The following ZNF609 variants were observed in gnomAD, a reference collection of about 807,000 sequenced individuals.
The protein encoded by ZNF609 is zinc finger protein 609.
Under a neutral mutation model 109.5 loss-of-function variants are expected in ZNF609, and 11 were observed. That is an observed-to-expected ratio of 0.10 (90% CI 0.06 to 0.17). The LOEUF is 0.17. Among genes scored for constraint, ZNF609 ranks in the 10% least tolerant of loss-of-function variants. ZNF609 has a pLI of 1.00. For missense variants in ZNF609, 1,559 were observed against 1,772.4 expected (o/e 0.88, Z 2.16); for synonymous variants, 646 against 662.0 (o/e 0.98, Z 0.37).
intron 2 of ZNF609, chr15:64,528,606 C>G: frequency 1.4e-6 from 1 of 710,486 alleles, no homozygotes; most frequent in South Asian, 1.5e-5. Flanking sequence ...GCAGGGACTC[C>G]CCAGCAGTAA....
chr15:64,667,847 A>G (rs1174862158), intron 3 of ZNF609, among the ~76,000 whole-genome samples: 1 of 152,224 alleles, frequency 6.6e-6, no homozygotes, highest in Non-Finnish European at 1.5e-5. Flanking sequence ...AATAGATACT[A>G]AAAAAGCTCA....
chr15:64,619,152 T>C (rs1895843816), intron 2 of ZNF609, among the ~76,000 whole-genome samples: 1 of 151,222 alleles, frequency 6.6e-6, no homozygotes, highest in Admixed American at 6.6e-5. Context: ...GCTAGTTGTT[T>C]TTGTTTTTGT....
chr15:64,645,056 TCTTCCTTCCTTC>T (rs1215784646), intron 3 of ZNF609, among the ~76,000 whole-genome samples: 7 of 141,818 alleles, frequency 4.9e-5, no homozygotes, highest in African/African-American at 1.7e-4. Flanking sequence ...TTTCTTCCTT[TCTTCCTTCCTTC>T]CTTCCTTCCT....
chr15:64,504,838 C>T (rs939975855), intron 2 of ZNF609, among the ~76,000 whole-genome samples: 1 of 151,894 alleles, frequency 6.6e-6, no homozygotes, highest in African/African-American at 2.4e-5. Flanking sequence ...TCTTGAACTC[C>T]TGGGCTTATG....
intron 1 of ZNF609, among the ~76,000 whole-genome samples, chr15:64,463,728 T>C (rs919305740): frequency 2.6e-5 from 4 of 152,206 alleles, no homozygotes; most frequent in African/African-American, 9.6e-5. Flanking sequence ...TTCTGACCTT[T>C]ATATATTTTT....
At chr15:64,571,479 T>C (rs2140413976) in intron 2 of ZNF609, among the ~76,000 whole-genome samples, 1 of 152,114 alleles carries the variant, frequency 6.6e-6, no homozygotes, top group East Asian at 1.9e-4. Context: ...TTTTATATTT[T>C]TATATAATAT....
chr15:64,684,596 A>C lies in ZNF609; in HGVS notation c.*2910A>C, dbSNP rs2141023215. Reference sequence around the variant, plus strand: ...AACTCTCTCCACACATCACAAGGTCAAAGAACCACACGCTTAGAAGGGTAA... The same window carrying C: ...AACTCTCTCCACACATCACAAGGTCCAAGAACCACACGCTTAGAAGGGTAA... On this transcript the variant is annotated 3_prime_UTR_variant, in exon 10 of 10. Coordinates refer to ENST00000326648, the MANE Select transcript of ZNF609 (RefSeq NM_015042.2). The C allele has an allele frequency of 6.5e-6, 1 of 152,758 alleles. No homozygotes were observed. Among genetic ancestry groups the C allele is most frequent in the Non-Finnish European group, 1.5e-5 (1 of 68,044 alleles). 9.5% of individuals were successfully genotyped at this position (152,758 alleles called of 1,614,324 possible). A position where few individuals can be genotyped will look rare whatever the true frequency, so the allele number is the denominator to read the frequency against.
intron 2 of ZNF609, among the ~76,000 whole-genome samples, chr15:64,607,917 G>A (rs1428602535): frequency 4.1e-4 from 1 of 2,462 alleles, no homozygotes; most frequent in Non-Finnish European, 1.1e-3. Flanking sequence ...TTTTTTTTTT[G>A]AGACAGAGTC....
chr15:64,602,032 A>ATTCT (rs1895505255), intron 2 of ZNF609, among the ~76,000 whole-genome samples: 1 of 152,120 alleles, frequency 6.6e-6, no homozygotes. Flanking sequence ...ACTTCAAAGG[A>ATTCT]GTGTTATGAG....
chr15:64,583,929 A>G (rs1895152558), intron 2 of ZNF609, among the ~76,000 whole-genome samples: 1 of 152,066 alleles, frequency 6.6e-6, no homozygotes, highest in Non-Finnish European at 1.5e-5. Flanking sequence ...ACCTCTACCA[A>G]TTTTATAAGC....
intron 2 of ZNF609, among the ~76,000 whole-genome samples, chr15:64,618,071 C>T (rs987438724): frequency 6.6e-6 from 1 of 152,000 alleles, no homozygotes; most frequent in East Asian, 1.9e-4. Flanking sequence ...CCTGACAATC[C>T]CTGCTCTTAT....
intron 2 of ZNF609, among the ~76,000 whole-genome samples, chr15:64,531,371 A>G (rs207475557): frequency 6.6e-6 from 1 of 152,126 alleles, no homozygotes; most frequent in Admixed American, 6.6e-5. Flanking sequence ...AAAAAGCTAC[A>G]CAAATGCAAA....
At chr15:64,541,223 C>A (rs1894253264) in intron 2 of ZNF609, among the ~76,000 whole-genome samples, 4 of 150,876 alleles carry the variant, frequency 2.7e-5, no homozygotes, top group African/African-American at 9.8e-5. Flanking sequence ...GTCAGGAGAT[C>A]GAGACCATCC....
In ZNF609 at chr15:64,673,897, G is replaced by T. The variant is rs955425987; in HGVS notation, c.1062-19G>T. 6.2e-7 allele frequency: 1 copy of T among 1,600,204 alleles called. No individual in the cohort carries two copies. Among genetic ancestry groups the T allele is most frequent in the Non-Finnish European group, 8.5e-7 (1 of 1,172,118 alleles). ...TTTCTCTTCTTAATAATATTCTGTT[G>T]TGTTTATCCTTTGCCAAGGTTCTGT... On this transcript the variant is annotated intron_variant, in intron 4 of 9. Coordinates refer to ENST00000326648, the MANE Select transcript of ZNF609 (RefSeq NM_015042.2).
At chr15:64,523,246 T>A (rs186775821) in intron 2 of ZNF609, among the ~76,000 whole-genome samples, 6 of 152,312 alleles carry the variant, frequency 3.9e-5, no homozygotes, top group Non-Finnish European at 8.8e-5. Context: ...ATACATCCTA[T>A]ACTATGATGA....
In ZNF609 at chr15:64,674,934, G is replaced by C. The variant is rs12901426; in HGVS notation, c.2080G>C (p.Ala694Pro). Residue 694 changes from alanine (A) to proline (P), a missense_variant, in exon 5 of 10, where the codon GCC becomes CCC. Physicochemically the swap from Ala to Pro is conservative, Grantham distance 27. Around this residue, in one of 4 missense-constraint regions of ZNF609, gnomAD observed 1,204 missense variants for 1,314.1 expected, o/e 0.92. Transcript: ENST00000326648. ...AGGCTTGACCGCCACAGTGGCACAAGCCATGCCCAACAGTCCCCAACTCAA... is the reference window on the plus strand; with the variant it reads ...AGGCTTGACCGCCACAGTGGCACAACCCATGCCCAACAGTCCCCAACTCAA... ...SSGLTATVAQ[A>P]MPNSPQLKPI... 1 of 1,614,022 alleles carries C rather than the reference G, an allele frequency of 6.2e-7. No individual in the cohort carries two copies. The highest frequency in any genetic ancestry group is 1.3e-5 in the African/African-American group (1 of 74,988).
At chr15:64,478,433 C>T (rs996309021) in intron 1 of ZNF609, among the ~76,000 whole-genome samples, 31 of 151,962 alleles carry the variant, frequency 2.0e-4, no homozygotes, top group African/African-American at 6.8e-4. Context: ...TGCATTGTTG[C>T]GATCTCGGCT....
At chr15:64,511,855 C>T (rs576487882) in intron 2 of ZNF609, among the ~76,000 whole-genome samples, 167 of 151,774 alleles carry the variant, frequency 1.1e-3, no homozygotes, top group African/African-American at 4.0e-3. Flanking sequence ...GCTGGGATTA[C>T]AGGCACACTC....
At chr15:64,508,530 G>A (rs1425593137) in intron 2 of ZNF609, among the ~76,000 whole-genome samples, 1 of 152,038 alleles carries the variant, frequency 6.6e-6, no homozygotes, top group Admixed American at 6.6e-5. Context: ...CTTCACATAA[G>A]GTGATAGCTA....
Sources: gnomAD v4.1 joint callset for allele counts (sites outside exome capture counted in the v4.1 genomes callset) on GRCh38, gnomAD v4.1.1 for gene constraint, gnomAD v4.1.1 regional missense constraint, MANE v1.5 for transcripts, NCBI Gene and HGNC (gene_info 2026-07-23, HGNC 2026-07-21) for gene names.